OR1J2: variants seen among roughly 807,000 people sequenced by gnomAD.
OR1J2 encodes the protein olfactory receptor family 1 subfamily J member 2.
For missense variants in OR1J2, 304 were observed against 246.1 expected, an observed-to-expected ratio of 1.24 and a Z score of -1.57; for synonymous variants, 142 against 99.7, an observed-to-expected ratio of 1.42 and a Z score of -2.52.
At chr9:122,517,847 GCT>G in the OR1J2 span, among the ~76,000 whole-genome samples, 1 of 152,068 alleles carries the variant, frequency 6.6e-6, no homozygotes. Context: ...GCATTCGTTA[GCT>G]CTTTTTCCTG....
chr9:122,539,360 C>T, the OR1J2 span, among the ~76,000 whole-genome samples: 2,122 of 151,906 alleles, frequency 0.014, 56 homozygotes, highest in African/African-American at 0.048. Context: ...TGAGAACATG[C>T]GGTGTTTGGT....
At chr9:122,465,122 A>C in the OR1J2 span, among the ~76,000 whole-genome samples, 81 of 152,286 alleles carry the variant, frequency 5.3e-4, no homozygotes, top group African/African-American at 1.9e-3. Context: ...CAGTATCCGA[A>C]GAAAAAAAAT....
the OR1J2 span, among the ~76,000 whole-genome samples, chr9:122,546,023 G>A: frequency 2.6e-5 from 4 of 152,010 alleles, no homozygotes; most frequent in Non-Finnish European, 4.4e-5. Context: ...TGTTAGGCAC[G>A]TGTGTGTTGG....
chr9:122,527,230 G>A, the OR1J2 span: 1 of 1,614,024 alleles, frequency 6.2e-7, no homozygotes, highest in Admixed American at 1.7e-5. Flanking sequence ...AGGGACTGCT[G>A]TTGCTCTGGA....
chr9:122,496,301 A>T, the OR1J2 span, among the ~76,000 whole-genome samples: 30 of 152,240 alleles, frequency 2.0e-4, no homozygotes, highest in African/African-American at 7.2e-4. Flanking sequence ...CCAAGAGATT[A>T]TGACCTTTGT....
chr9:122,482,161 A>G, the OR1J2 span, among the ~76,000 whole-genome samples: 1 of 152,154 alleles, frequency 6.6e-6, no homozygotes, highest in African/African-American at 2.4e-5. Flanking sequence ...GAAACAACCC[A>G]ATAGCAAAAA....
At chr9:122,478,279 A>G in the OR1J2 span, among the ~76,000 whole-genome samples, 16 of 152,322 alleles carry the variant, frequency 1.1e-4, no homozygotes, top group African/African-American at 3.6e-4. Context: ...TACTCTTTAG[A>G]TGTGAAAGCT....
chr9:122,489,635 G>T, the OR1J2 span, among the ~76,000 whole-genome samples: 1 of 152,220 alleles, frequency 6.6e-6, no homozygotes, highest in Admixed American at 6.5e-5. Context: ...TATAGGAATA[G>T]ATTGAAATAG....
At chr9:122,556,856 A>G in the OR1J2 span, among the ~76,000 whole-genome samples, 1 of 152,194 alleles carries the variant, frequency 6.6e-6, no homozygotes, top group Admixed American at 6.5e-5. Flanking sequence ...TGACACCATG[A>G]TAACATTGAG....
At chr9:122,511,827 T>A, downstream of OR1J2, 1 of 724,350 alleles carries the variant, frequency 1.4e-6, no homozygotes, top group South Asian at 1.5e-5. Context: ...TCAAAACATG[T>A]TATGTCCTGA....
chr9:122,489,280 A>AT, the OR1J2 span, among the ~76,000 whole-genome samples: 10 of 149,670 alleles, frequency 6.7e-5, no homozygotes, highest in South Asian at 2.1e-3. Flanking sequence ...TCCATATATA[A>AT]ATATATATAT....
At chr9:122,558,085 G>A in the OR1J2 span, among the ~76,000 whole-genome samples, 2 of 151,516 alleles carry the variant, frequency 1.3e-5, no homozygotes, top group African/African-American at 4.8e-5. Flanking sequence ...AGTAACTTGT[G>A]TCTTCTTTCT....
chr9:122,450,810 A>C, the OR1J2 span, among the ~76,000 whole-genome samples: 3 of 151,918 alleles, frequency 2.0e-5, no homozygotes, highest in African/African-American at 7.3e-5. Context: ...TATGAATTTG[A>C]CTGTTTTAGA....
the OR1J2 span, among the ~76,000 whole-genome samples, chr9:122,555,724 A>G: frequency 6.6e-6 from 1 of 152,180 alleles, no homozygotes; most frequent in African/African-American, 2.4e-5. Flanking sequence ...TTTTAAATAT[A>G]TAGACTTTAC....
At chr9:122,546,208 G>A in the OR1J2 span, among the ~76,000 whole-genome samples, 2 of 152,116 alleles carry the variant, frequency 1.3e-5, no homozygotes, top group African/African-American at 2.4e-5. Context: ...GGGAGGGGCC[G>A]AGTCTATTTT....
At chr9:122,579,283 A>G in the OR1J2 span, among the ~76,000 whole-genome samples, 1 of 151,992 alleles carries the variant, frequency 6.6e-6, no homozygotes, top group African/African-American at 2.4e-5. Flanking sequence ...TAAATTTGAA[A>G]CATTTTAATT....
the OR1J2 span, among the ~76,000 whole-genome samples, chr9:122,569,244 C>G: frequency 6.6e-6 from 1 of 152,198 alleles, no homozygotes; most frequent in East Asian, 1.9e-4. Flanking sequence ...TTTTTCCCTT[C>G]TTTAATTCTC....
chr9:122,561,038 T>C, the OR1J2 span, among the ~76,000 whole-genome samples: 10 of 152,340 alleles, frequency 6.6e-5, no homozygotes, highest in African/African-American at 2.4e-4. Context: ...TTCATTCTTT[T>C]TCCTTTAATC....
the OR1J2 span, among the ~76,000 whole-genome samples, chr9:122,472,706 G>T: frequency 6.6e-6 from 1 of 152,196 alleles, no homozygotes; most frequent in South Asian, 2.1e-4. Context: ...CCCAGGAGAT[G>T]AAGACCTAAA....
Sources: allele counts gnomAD v4.1 joint callset (sites outside exome capture counted in the v4.1 genomes callset), GRCh38; gene constraint gnomAD v4.1.1; transcripts MANE v1.5; gene names NCBI Gene and HGNC (gene_info 2026-07-23, HGNC 2026-07-21).